The following PPARGC1A variants were observed in gnomAD, a reference collection of about 807,000 sequenced individuals.
PPARGC1A encodes PPARG coactivator 1 alpha.
In PPARGC1A, 25 loss-of-function variants were observed where a neutral mutation model predicts 88.7. The observed-to-expected ratio is 0.28, with a 90% CI of 0.21 to 0.39. PPARGC1A has a LOEUF of 0.39. PPARGC1A is among the 10% of genes least tolerant of loss of function. PPARGC1A has a pLI of 1.00. For synonymous variants in PPARGC1A, 363 were observed against 355.6 expected (o/e 1.02, Z -0.24); for missense variants, 880 against 968.7 (o/e 0.91, Z 1.22).
the PPARGC1A span, among the ~76,000 whole-genome samples, chr4:24,181,479 T>C: frequency 6.6e-6 from 1 of 152,204 alleles, no homozygotes; most frequent in African/African-American, 2.4e-5. Flanking sequence ...GCTAAGTACT[T>C]AATTAACACT....
the PPARGC1A span, among the ~76,000 whole-genome samples, chr4:24,290,617 C>T: frequency 6.6e-6 from 1 of 152,226 alleles, no homozygotes. Flanking sequence ...TGCCCACTCA[C>T]TCTTACACTT....
At chr4:23,979,312 T>C in the PPARGC1A span, among the ~76,000 whole-genome samples, 1 of 152,230 alleles carries the variant, frequency 6.6e-6, no homozygotes, top group Non-Finnish European at 1.5e-5. Flanking sequence ...TACTTTCTCC[T>C]GTATCTTTTA....
At chr4:24,280,570 A>G in the PPARGC1A span, among the ~76,000 whole-genome samples, 1 of 152,188 alleles carries the variant, frequency 6.6e-6, no homozygotes, top group African/African-American at 2.4e-5. Context: ...AGAGGAAAGA[A>G]AAAAACTTCT....
the PPARGC1A span, among the ~76,000 whole-genome samples, chr4:24,152,093 T>C: frequency 7.0e-4 from 107 of 152,362 alleles, no homozygotes; most frequent in African/African-American, 2.5e-3. Flanking sequence ...CCATGGGATC[T>C]GGACATGACA....
the PPARGC1A span, among the ~76,000 whole-genome samples, chr4:24,225,514 A>C: frequency 2.0e-5 from 3 of 151,374 alleles, no homozygotes; most frequent in African/African-American, 4.9e-5. Context: ...TGGGTGACAG[A>C]GCGAGACTCC....
At chr4:23,911,910 C>CTTT in the PPARGC1A span, among the ~76,000 whole-genome samples, 3 of 152,084 alleles carry the variant, frequency 2.0e-5, no homozygotes, top group African/African-American at 7.2e-5. Flanking sequence ...GTAACTGAAA[C>CTTT]TAAAAAGCAC....
At chr4:24,271,274 A>T in the PPARGC1A span, among the ~76,000 whole-genome samples, 1 of 152,144 alleles carries the variant, frequency 6.6e-6, no homozygotes, top group Non-Finnish European at 1.5e-5. Context: ...CAAGTTCAAG[A>T]AATGCACAAT....
the PPARGC1A span, among the ~76,000 whole-genome samples, chr4:24,318,575 A>G: frequency 6.6e-6 from 1 of 152,270 alleles, no homozygotes; most frequent in African/African-American, 2.4e-5. Flanking sequence ...GAGAATGCCT[A>G]TTCTTAGTCG....
At chr4:24,470,277 G>GACACACACACACACACAC in the PPARGC1A span, among the ~76,000 whole-genome samples, 1,303 of 110,604 alleles carry the variant, frequency 0.012, 35 homozygotes, top group South Asian at 0.017. The surrounding 1 kb of genome is among the most constrained non-coding windows in gnomAD (Gnocchi z 5.8). Flanking sequence ...GACAGACACA[G>GACACACACACACACACAC]ACACACACAC....
chr4:23,795,475 A>T lies in PPARGC1A; in HGVS notation c.*347T>A, dbSNP rs1322051699. 3.8e-5 allele frequency: 7 copies of T among 184,994 alleles called. No homozygotes were observed. The highest frequency in any genetic ancestry group is 7.7e-5 in the Non-Finnish European group (7 of 90,690). 11.5% of individuals were successfully genotyped at this position (184,994 alleles called of 1,614,324 possible). A position where few individuals can be genotyped will look rare whatever the true frequency, so the allele number is the denominator to read the frequency against. ...ACATGTACCCACACATACTTCCCCTAAACCAAGCACACACACCACACACAT... is the reference window on the plus strand; with the variant it reads ...ACATGTACCCACACATACTTCCCCTTAACCAAGCACACACACCACACACAT... On this transcript the variant is annotated 3_prime_UTR_variant, in exon 13 of 13. Transcript: ENST00000264867.
chr4:23,889,833 C>A (rs958322134), intron 1 of PPARGC1A, 71 bp downstream of exon 1: 2 of 1,573,264 alleles, frequency 1.3e-6, no homozygotes, highest in Non-Finnish European at 1.7e-6. Context: ...GCCCATCCCC[C>A]CTTACAGGAA....
At chr4:24,391,855 T>C in the PPARGC1A span, among the ~76,000 whole-genome samples, 3 of 152,140 alleles carry the variant, frequency 2.0e-5, no homozygotes, top group Admixed American at 2.0e-4. Context: ...CCCACATATT[T>C]AACATGTGAG....
At chr4:23,987,945 C>T in the PPARGC1A span, among the ~76,000 whole-genome samples, 1 of 151,452 alleles carries the variant, frequency 6.6e-6, no homozygotes, top group Non-Finnish European at 1.5e-5. Context: ...ACCTAGCCCA[C>T]CCACCCCCCA....
the PPARGC1A span, among the ~76,000 whole-genome samples, chr4:23,996,695 C>A: frequency 6.6e-6 from 1 of 152,200 alleles, no homozygotes; most frequent in Non-Finnish European, 1.5e-5. Flanking sequence ...CGTCAGCAAA[C>A]CCTTTCTGTA....
At chr4:24,219,777 G>A in the PPARGC1A span, among the ~76,000 whole-genome samples, 3 of 152,084 alleles carry the variant, frequency 2.0e-5, no homozygotes, top group African/African-American at 7.2e-5. Flanking sequence ...ACAGACATAA[G>A]CCAACACAAA....
chr4:23,834,227 G>A (rs192616762), intron 2 of PPARGC1A, among the ~76,000 whole-genome samples: 1 of 152,104 alleles, frequency 6.6e-6, no homozygotes, highest in African/African-American at 2.4e-5. Context: ...GTGAACCCGG[G>A]GGGTGGAGCT....
chr4:23,864,908 G>C (rs1156865661), intron 2 of PPARGC1A, among the ~76,000 whole-genome samples: 1 of 152,212 alleles, frequency 6.6e-6, no homozygotes, highest in South Asian at 2.1e-4. Context: ...CACTGGCCAG[G>C]CACGGTTGCT....
At chr4:23,807,075 T>A (rs1457204711) in intron 10 of PPARGC1A, among the ~76,000 whole-genome samples, 1 of 152,180 alleles carries the variant, frequency 6.6e-6, no homozygotes, top group East Asian at 1.9e-4. Context: ...ACATATCAAC[T>A]TTGGCAGTGA....
At chr4:24,406,876 T>A in the PPARGC1A span, among the ~76,000 whole-genome samples, 1 of 152,176 alleles carries the variant, frequency 6.6e-6, no homozygotes. Flanking sequence ...AGGCCAGAAA[T>A]GCTGTCTTTC....
Sources: gnomAD v4.1 joint callset for allele counts (sites outside exome capture counted in the v4.1 genomes callset) on GRCh38, gnomAD v4.1.1 for gene constraint, Gnocchi (gnomAD v3.1) non-coding constraint, MANE v1.5 for transcripts, NCBI Gene and HGNC (gene_info 2026-07-23, HGNC 2026-07-21) for gene names.